Variants in LIFR observed in about 807,000 individuals in gnomAD.
LIFR encodes leukemia inhibitory factor receptor.
LIFR carries 84 observed loss-of-function variants against 122.2 expected under a neutral mutation model. The observed-to-expected ratio is 0.69, with a 90% CI of 0.58 to 0.82. The LOEUF is 0.82. Ranked by LOEUF, LIFR falls within the 40% of genes least tolerant of loss-of-function variation. LIFR has a pLI of 0.00. For synonymous variants in LIFR, 422 were observed against 434.7 expected, an observed-to-expected ratio of 0.97 and a Z score of 0.36; for missense variants, 1,294 against 1,311.6, an observed-to-expected ratio of 0.99 and a Z score of 0.21.
At chr5:38,590,232 T>C (rs919810070) in intron 1 of LIFR, among the ~76,000 whole-genome samples, 3 of 152,160 alleles carry the variant, frequency 2.0e-5, no homozygotes, top group Non-Finnish European at 4.4e-5. Context: ...ACAGATCCTC[T>C]GGGGAGGCTG....
intron 16 of LIFR, among the ~76,000 whole-genome samples, chr5:38,487,624 A>AATT (rs2112386025): frequency 6.6e-6 from 1 of 152,304 alleles, no homozygotes; most frequent in East Asian, 1.9e-4. Flanking sequence ...CTGTAATAAA[A>AATT]ATTACGTAAA....
intron 5 of LIFR, among the ~76,000 whole-genome samples, chr5:38,518,631 T>C (rs1285615461): frequency 6.6e-6 from 1 of 152,250 alleles, no homozygotes; most frequent in East Asian, 1.9e-4. Context: ...AATTGTGCTC[T>C]GTACATAATA....
chr5:38,568,444 AG>A (rs775600026), intron 1 of LIFR, among the ~76,000 whole-genome samples: 106 of 152,034 alleles, frequency 7.0e-4, no homozygotes, highest in Admixed American at 2.6e-3. Context: ...AAGCATGGGG[AG>A]GTTGGAGAGG....
At chr5:38,486,202 T>TC (rs1744279720) in intron 16 of LIFR, among the ~76,000 whole-genome samples, 2 of 152,216 alleles carry the variant, frequency 1.3e-5, no homozygotes, top group African/African-American at 4.8e-5. Context: ...GTGGAGTTTT[T>TC]CTACTGATGA....
intron 13 of LIFR, among the ~76,000 whole-genome samples, chr5:38,496,067 C>T (rs1744859517): frequency 6.6e-6 from 1 of 151,710 alleles, no homozygotes. Flanking sequence ...CTTGGAGAAG[C>T]GTCTGAATAT....
At chr5:38,542,440 C>T (rs892405740) in intron 1 of LIFR, among the ~76,000 whole-genome samples, 4 of 152,136 alleles carry the variant, frequency 2.6e-5, no homozygotes, top group Non-Finnish European at 5.9e-5. Flanking sequence ...TAAATAAGGA[C>T]AAACCTCCAG....
intron 1 of LIFR, among the ~76,000 whole-genome samples, chr5:38,542,501 T>C (rs1747646481): frequency 6.6e-6 from 1 of 152,142 alleles, no homozygotes; most frequent in Non-Finnish European, 1.5e-5. Flanking sequence ...AAGGCAATGC[T>C]TCTAACCGGT....
chr5:38,533,783 A>C (rs1474185356), intron 1 of LIFR, among the ~76,000 whole-genome samples: 1 of 152,166 alleles, frequency 6.6e-6, no homozygotes, highest in Non-Finnish European at 1.5e-5. Context: ...GCTGGCACGA[A>C]CCTAGCCTGG....
upstream of LIFR, chr5:38,558,319 G>T (rs1363075132): frequency 6.6e-6 from 1 of 152,076 alleles, no homozygotes; most frequent in Non-Finnish European, 1.5e-5. Context: ...TCCATGAGAA[G>T]AATTTAGTTT....
In LIFR at chr5:38,480,823, A is replaced by G. The variant is rs1451516408; in HGVS notation, c.*772T>C. The G allele has an allele frequency of 4.7e-5, 10 of 214,676 alleles. No homozygotes were observed. The highest frequency in any genetic ancestry group is 1.8e-4 in the Admixed American group (3 of 17,134). The allele number at this position is 214,676 out of a possible 1,614,324, so 13.3% of individuals were successfully genotyped here. A position where few individuals can be genotyped will look rare whatever the true frequency, so the allele number is the denominator to read the frequency against. On this transcript the variant is annotated 3_prime_UTR_variant, in exon 20 of 20. Transcript: ENST00000453190. Reference sequence around the variant, plus strand: ...CTAGTCTTAGAAGTGTAAATTTTAAATATTAGGGCAACCAACTGAAATAAT... The same window carrying G: ...CTAGTCTTAGAAGTGTAAATTTTAAGTATTAGGGCAACCAACTGAAATAAT...
At chr5:38,553,649 T>C (rs1280337938) in intron 1 of LIFR, among the ~76,000 whole-genome samples, 16 of 100,098 alleles carry the variant, frequency 1.6e-4, no homozygotes, top group African/African-American at 6.0e-4. Flanking sequence ...TATATATATA[T>C]ATATATATAT....
At chr5:38,584,864 T>TCACA (rs779358199) in intron 1 of LIFR, among the ~76,000 whole-genome samples, 7 of 151,974 alleles carry the variant, frequency 4.6e-5, no homozygotes, top group East Asian at 1.9e-4. Context: ...GCAGCTTTTG[T>TCACA]CACACACACA....
intron 1 of LIFR, among the ~76,000 whole-genome samples, chr5:38,578,724 T>A (rs1041357742): frequency 6.6e-6 from 1 of 151,566 alleles, no homozygotes; most frequent in South Asian, 2.1e-4. Context: ...GCTAACTTTT[T>A]AAAAATATTT....
chr5:38,486,963 CT>C (rs1390852838), intron 16 of LIFR, among the ~76,000 whole-genome samples: 1 of 152,156 alleles, frequency 6.6e-6, no homozygotes, highest in African/African-American at 2.4e-5. Flanking sequence ...GTTATAACTG[CT>C]TTTTCCCTCA....
chr5:38,539,752 C>T (rs1747487286), intron 1 of LIFR, among the ~76,000 whole-genome samples: 2 of 152,012 alleles, frequency 1.3e-5, no homozygotes, highest in Non-Finnish European at 2.9e-5. Context: ...ATACTAATTA[C>T]ACAATAATTC....
At chr5:38,527,036 T>C (rs192358779) in intron 4 of LIFR, 119 bp downstream of exon 4, 3 of 882,998 alleles carry the variant, frequency 3.4e-6, no homozygotes, top group Non-Finnish European at 5.1e-6. Flanking sequence ...ATAGGGAGGT[T>C]GCTGAGTGAA....
intron 17 of LIFR, 61 bp from the exon 18 acceptor site, chr5:38,484,929 T>G (rs772222259): frequency 3.6e-6 from 4 of 1,120,674 alleles, no homozygotes; most frequent in Non-Finnish European, 5.4e-6. Flanking sequence ...ACAGAATAGA[T>G]GTATGTTAGA....
chr5:38,503,733 G>A (rs1745304251), intron 10 of LIFR, among the ~76,000 whole-genome samples: 1 of 152,126 alleles, frequency 6.6e-6, no homozygotes, highest in South Asian at 2.1e-4. Context: ...AATTTACGGA[G>A]CACCAGCTAT....
At chr5:38,519,921 T>G (rs1260305912) in intron 5 of LIFR, among the ~76,000 whole-genome samples, 2 of 152,222 alleles carry the variant, frequency 1.3e-5, no homozygotes, top group Admixed American at 6.5e-5. Flanking sequence ...AATAGTGGCA[T>G]GATAAACATG....
Sources: gnomAD v4.1 joint callset for allele counts (sites outside exome capture counted in the v4.1 genomes callset) on GRCh38, gnomAD v4.1.1 for gene constraint, MANE v1.5 for transcripts, NCBI Gene and HGNC (gene_info 2026-07-23, HGNC 2026-07-21) for gene names.